CEBPZ: variants seen among roughly 807,000 people sequenced by gnomAD.
CEBPZ encodes the protein CCAAT/enhancer-binding protein zeta.
In CEBPZ, 78 loss-of-function variants were observed where a neutral mutation model predicts 104.5. That is an observed-to-expected ratio of 0.75 (90% CI 0.62 to 0.90). The LOEUF (loss-of-function observed/expected upper bound fraction) is 0.90, where lower values mean the gene tolerates loss of function less well. Among genes scored for constraint, CEBPZ ranks in the 40% least tolerant of loss-of-function variants. The pLI is 0.00. For missense variants in CEBPZ, 1,439 were observed against 1,233.5 expected (o/e 1.17, Z -2.50); for synonymous variants, 470 against 427.0 (o/e 1.10, Z -1.24).
chr2:37,228,868 C>G lies in CEBPZ; in HGVS notation c.325G>C (p.Glu109Gln), dbSNP rs200933054. Residue 109 changes from glutamate (E) to glutamine (Q), a missense_variant, in exon 2 of 16, where the codon GAA (glutamate) becomes CAA (glutamine). Transcript: ENST00000234170. ...TCTTTTTTGCTGGAATTTTCTTTTT[C>G]AGCTGGTTCATCTTCTTCAACTAAG... The part of the protein sequence containing the change: ...ASLVEEDEPA[E>Q]KENSSKKEVK... 1.3e-4 allele frequency: 202 copies of G among 1,598,372 alleles called. No homozygotes were observed. Among genetic ancestry groups the G allele is most frequent in the Non-Finnish European group, 1.9e-5 (22 of 1,176,038 alleles).
chr2:37,207,803 C>T (rs1181216300), intron 13 of CEBPZ, among the ~76,000 whole-genome samples: 1 of 152,028 alleles, frequency 6.6e-6, no homozygotes, highest in Non-Finnish European at 1.5e-5. Flanking sequence ...TAACAAATAT[C>T]AGAGCAGAAC....
intron 13 of CEBPZ, chr2:37,203,866 AGTACTCCATGCCATGTTGTG>A (rs1301978848): frequency 5.3e-5 from 8 of 152,154 alleles, no homozygotes; most frequent in Non-Finnish European, 7.3e-5. Context: ...TCCATGTTGT[AGTACTCCATGCCATGTTGTG>A]GGCTACATAA....
intron 1 of CEBPZ, chr2:37,231,125 G>A (rs1158131636): frequency 1.8e-6 from 1 of 560,030 alleles, no homozygotes; most frequent in African/African-American, 1.9e-5. Flanking sequence ...ACCAAGAAAA[G>A]CCACTCTCCG....
rs773267004 is a variant in CEBPZ at position 37,201,804 on chromosome 2, C to G, written c.3125G>C (p.Arg1042Thr). ...TTTAGTTTTTTGAGTGGTTTTAATC[C>G]TCTTCTTTTTAAAATGTTTCTTTTT... ...IKKKKHFKKK[R>T]IKTTQKTKKQ... Residue 1042 changes from arginine to threonine, a missense_variant, in exon 16 of 16, where the codon AGG (arginine) becomes ACG (threonine). Physicochemically the swap from Arg to Thr is moderately conservative, Grantham distance 71 (BLOSUM62 -1). Transcript: ENST00000234170. The G allele has an allele frequency of 1.9e-6, 3 of 1,570,380 alleles. No individual in the cohort carries two copies. The African/African-American group carries it at 4.0e-5, about 21-fold the overall frequency.
chr2:37,220,030 C>T (rs910856577), intron 5 of CEBPZ, among the ~76,000 whole-genome samples: 2 of 152,028 alleles, frequency 1.3e-5, no homozygotes, highest in Non-Finnish European at 2.9e-5. Context: ...CAAAAATATA[C>T]AGCATAGGCC....
chr2:37,226,739 T>C (rs941313887), intron 2 of CEBPZ, among the ~76,000 whole-genome samples: 1 of 152,148 alleles, frequency 6.6e-6, no homozygotes, highest in Middle Eastern at 3.2e-3. Flanking sequence ...GATATATCTA[T>C]GTAAAAATAT....
intron 6 of CEBPZ, 138 bp from the exon 7 acceptor site, chr2:37,216,556 T>A (rs1039266811): frequency 4.6e-6 from 3 of 646,902 alleles, no homozygotes; most frequent in African/African-American, 3.7e-5. Flanking sequence ...TTCAAATATC[T>A]CTCTCATGCA....
In CEBPZ at chr2:37,228,365, C is replaced by G; in HGVS notation, c.828G>C (p.Lys276Asn). The change falls in exon 2 of 16, where the codon AAG becomes AAC. Residue 276 changes from lysine to asparagine, a missense_variant. By Grantham distance (94) the Lys-to-Asn change is moderately conservative. Coordinates refer to ENST00000234170, the MANE Select transcript of CEBPZ (RefSeq NM_005760.3). ...CCATAAGGCACTGCTGTTTGCTGCC[C>G]TTCTTTTTAACAAGGTTCACAAGAG... ...VETLVNLVKK[K>N]GSKQQCLMAL... 1.2e-6 allele frequency: 2 copies of G among 1,614,148 alleles called. No individual in the cohort carries two copies. The highest frequency in any genetic ancestry group is 8.5e-7 in the Non-Finnish European group (1 of 1,180,030).
chr2:37,211,904 T>G lies in CEBPZ; in HGVS notation c.2739A>C (p.Glu913Asp), dbSNP rs1367792091. Residue 913 changes from glutamate (E) to aspartate (D), a missense_variant, in exon 12 of 16, where the codon GAA becomes GAC. Transcript: ENST00000234170. ...LGSMDDEEFA[E>D]VDEDGGTFMD... Reference sequence around the variant, plus strand: ...TGAATGTTCCTCCATCTTCATCAACTTCAGCAAATTCTTCATCATCCATAC... The same window carrying G: ...TGAATGTTCCTCCATCTTCATCAACGTCAGCAAATTCTTCATCATCCATAC... The G allele has an allele frequency of 5.0e-6, 8 of 1,612,636 alleles. No individual in the cohort carries two copies. The highest frequency in any genetic ancestry group is 3.3e-5 in the South Asian group (3 of 90,670).
chr2:37,209,342 A>G (rs571683935), intron 13 of CEBPZ: 2 of 152,174 alleles, frequency 1.3e-5, no homozygotes, highest in African/African-American at 4.8e-5. Context: ...GCCAAGCAAG[A>G]CTAAACAAAA....
chr2:37,213,833 T>C, intron 10 of CEBPZ, 31 bp downstream of exon 10: 1 of 1,447,758 alleles, frequency 6.9e-7, no homozygotes, highest in Non-Finnish European at 9.6e-7. Flanking sequence ...AGTAGTAGAT[T>C]ATTTTACAAA....
intron 13 of CEBPZ, among the ~76,000 whole-genome samples, chr2:37,207,855 A>G (rs1335602182): frequency 1.3e-5 from 2 of 152,132 alleles, no homozygotes; most frequent in Non-Finnish European, 2.9e-5. Flanking sequence ...TAAATGAAAC[A>G]AAAAGCTGGT....
chr2:37,228,292 T>C lies in CEBPZ; in HGVS notation c.901A>G (p.Asn301Asp). The C allele has an allele frequency of 6.2e-7, 1 of 1,614,198 alleles. No individual in the cohort carries two copies. The highest frequency in any genetic ancestry group is 8.5e-7 in the Non-Finnish European group (1 of 1,180,024). Residue 301 changes from asparagine (N) to aspartate (D), a missense_variant, in exon 2 of 16, where the codon AAT (asparagine) becomes GAT (aspartate). Physicochemically the swap from Asn to Asp is conservative, Grantham distance 23 (BLOSUM62 1). Transcript: ENST00000234170. ...ELLITDLLPD[N>D]RKLRIFSQRP... Reference sequence around the variant, plus strand: ...TGGCTGAAAATCCTCAGCTTCCGATTGTCTGGCAAAAGGTCTGTGATAAGC... The same window carrying C: ...TGGCTGAAAATCCTCAGCTTCCGATCGTCTGGCAAAAGGTCTGTGATAAGC...
chr2:37,230,647 A>G (rs1665044430), intron 1 of CEBPZ, among the ~76,000 whole-genome samples: 1 of 152,172 alleles, frequency 6.6e-6, no homozygotes, highest in Non-Finnish European at 1.5e-5. Context: ...TCAAACTCAG[A>G]GCAAAAGCCT....
intron 13 of CEBPZ, among the ~76,000 whole-genome samples, chr2:37,205,187 T>C (rs921865635): frequency 6.6e-6 from 1 of 152,196 alleles, no homozygotes; most frequent in Non-Finnish European, 1.5e-5. Flanking sequence ...GGCGTGAGGC[T>C]CTGAAAGACT....
intron 3 of CEBPZ, 91 bp downstream of exon 3, chr2:37,223,078 CT>C: frequency 9.9e-7 from 1 of 1,014,758 alleles, no homozygotes; most frequent in Non-Finnish European, 1.5e-6. Context: ...CTCCAGAGAA[CT>C]AGGTTACTGT....
chr2:37,227,476 G>C (rs1002273739), intron 2 of CEBPZ, 68 bp downstream of exon 2: 4 of 1,459,682 alleles, frequency 2.7e-6, no homozygotes, highest in African/African-American at 1.4e-5. Flanking sequence ...CCCCACAGAG[G>C]GCACTGCTTG....
At chr2:37,220,773 T>C (rs146340796) in intron 4 of CEBPZ, among the ~76,000 whole-genome samples, 18 of 152,252 alleles carry the variant, frequency 1.2e-4, no homozygotes, top group Non-Finnish European at 2.1e-4. Flanking sequence ...AGTGGATCAT[T>C]TGAGTTCAGG....
At chr2:37,225,413 C>T (rs1457450058) in intron 2 of CEBPZ, among the ~76,000 whole-genome samples, 1 of 151,228 alleles carries the variant, frequency 6.6e-6, no homozygotes, top group African/African-American at 2.4e-5. Context: ...AAGAAAAATT[C>T]TTCTGCCTTG....
Sources: allele counts gnomAD v4.1 joint callset (sites outside exome capture counted in the v4.1 genomes callset), GRCh38; gene constraint gnomAD v4.1.1; transcripts MANE v1.5; gene names NCBI Gene and HGNC (gene_info 2026-07-23, HGNC 2026-07-21).